MECOM: variants seen among roughly 807,000 people sequenced by gnomAD.
MECOM encodes the protein histone-lysine N-methyltransferase MECOM.
In MECOM, 13 loss-of-function variants were observed where a neutral mutation model predicts 116.3. That is an observed-to-expected ratio of 0.11 (90% confidence interval 0.07 to 0.18). The LOEUF (loss-of-function observed/expected upper bound fraction) is 0.18, where lower values mean the gene tolerates loss of function less well. Ranked by LOEUF, MECOM falls within the 10% of genes least tolerant of loss-of-function variation. MECOM has a pLI of 1.00. For synonymous variants in MECOM, 528 were observed against 535.2 expected, an observed-to-expected ratio of 0.99 and a Z score of 0.19; for missense variants, 1,299 against 1,509.0, an observed-to-expected ratio of 0.86 and a Z score of 2.31.
intron 2 of MECOM, among the ~76,000 whole-genome samples, chr3:169,294,247 A>G (rs1227680107): frequency 4.6e-5 from 7 of 152,210 alleles, no homozygotes; most frequent in African/African-American, 1.4e-4. Context: ...TGCCTTATCT[A>G]CATGTCTGTT....
chr3:169,564,260 A>T (rs942105277), intron 1 of MECOM, among the ~76,000 whole-genome samples: 1 of 152,222 alleles, frequency 6.6e-6, no homozygotes, highest in African/African-American at 2.4e-5. Context: ...TGTCACATAT[A>T]TGAACCAGCC....
chr3:169,577,880 C>T (rs1448910500), intron 1 of MECOM, among the ~76,000 whole-genome samples: 1 of 152,078 alleles, frequency 6.6e-6, no homozygotes, highest in African/African-American at 2.4e-5. Context: ...GTTCTCTAAC[C>T]AAGTGATAGC....
At chr3:169,128,114 A>T in intron 4 of MECOM, 54 bp from the exon 5 acceptor site, 2 of 1,530,880 alleles carry the variant, frequency 1.3e-6, no homozygotes, top group Non-Finnish European at 1.8e-6. Context: ...GCCATCACAA[A>T]CCAGCCAATC....
At chr3:169,495,410 C>T (rs56264350) in intron 1 of MECOM, among the ~76,000 whole-genome samples, 2,711 of 152,220 alleles carry the variant, frequency 0.018, 69 homozygotes, top group African/African-American at 0.062. Flanking sequence ...TTTCTAAACA[C>T]ACCATATTAT....
At chr3:169,388,716 A>T (rs1456017441) in intron 1 of MECOM, among the ~76,000 whole-genome samples, 3 of 152,188 alleles carry the variant, frequency 2.0e-5, no homozygotes, top group Non-Finnish European at 2.9e-5. Flanking sequence ...GTGTTTGGAC[A>T]CTGGACTGAA....
chr3:169,456,081 T>A (rs973867565), intron 1 of MECOM, among the ~76,000 whole-genome samples: 1 of 152,208 alleles, frequency 6.6e-6, no homozygotes, highest in African/African-American at 2.4e-5. Context: ...AAAATCAGAT[T>A]TCCACCTTCT....
intron 1 of MECOM, among the ~76,000 whole-genome samples, chr3:169,390,068 A>C (rs1387646987): frequency 6.6e-6 from 1 of 152,156 alleles, no homozygotes; most frequent in Non-Finnish European, 1.5e-5. Flanking sequence ...TGCTTGCGTC[A>C]ATATGTTGCT....
At chr3:169,144,028 A>C (rs1738945645) in intron 2 of MECOM, among the ~76,000 whole-genome samples, 196 bp from the exon 3 acceptor site, 1 of 152,232 alleles carries the variant, frequency 6.6e-6, no homozygotes, top group African/African-American at 2.4e-5. Context: ...TTAAAAAGGA[A>C]TAAAGCACTT....
intron 1 of MECOM, among the ~76,000 whole-genome samples, chr3:169,495,355 A>G (rs1753684125): frequency 6.6e-6 from 1 of 152,168 alleles, no homozygotes; most frequent in African/African-American, 2.4e-5. Flanking sequence ...AGAAAGTTTC[A>G]CCACAAATAT....
chr3:169,548,218 A>G (rs1053902972), intron 1 of MECOM, among the ~76,000 whole-genome samples: 2 of 152,210 alleles, frequency 1.3e-5, no homozygotes, highest in African/African-American at 4.8e-5. Flanking sequence ...AACTTTAAAA[A>G]TACTGTGAAA....
chr3:169,285,181 T>C (rs909983661), intron 2 of MECOM, among the ~76,000 whole-genome samples: 7 of 152,184 alleles, frequency 4.6e-5, no homozygotes, highest in Non-Finnish European at 7.4e-5. Flanking sequence ...TGGGCCATTA[T>C]GAAAAGTGTT....
chr3:169,586,153 A>G (rs115811327), intron 1 of MECOM, among the ~76,000 whole-genome samples: 3,980 of 152,324 alleles, frequency 0.026, 82 homozygotes, highest in Admixed American at 0.054. Flanking sequence ...TTAAATCTAC[A>G]TTTTCCTATC....
At chr3:169,147,398 G>A (rs1340057982) in intron 2 of MECOM, 1 of 985,362 alleles carries the variant, frequency 1.0e-6, no homozygotes, top group African/African-American at 1.7e-5. Flanking sequence ...CTTTAAAGAG[G>A]ATCTGCTCGG....
intron 6 of MECOM, 95 bp from the exon 7 acceptor site, chr3:169,121,304 GTT>G (rs1233781562): frequency 7.5e-7 from 1 of 1,324,804 alleles, no homozygotes; most frequent in African/African-American, 1.5e-5. Flanking sequence ...TTTCTTATTT[GTT>G]TTGTTTTTCT....
chr3:169,169,686 T>C (rs1053042364), intron 2 of MECOM, among the ~76,000 whole-genome samples: 1 of 152,170 alleles, frequency 6.6e-6, no homozygotes, highest in East Asian at 1.9e-4. Flanking sequence ...GTGCACCAGA[T>C]AGTGAGAGCA....
At chr3:169,587,954 A>C (rs1025910780) in intron 1 of MECOM, among the ~76,000 whole-genome samples, 8 of 152,230 alleles carry the variant, frequency 5.3e-5, no homozygotes, top group African/African-American at 1.9e-4. Flanking sequence ...TTAGCCAGAA[A>C]TATGCATAAA....
At chr3:169,086,159 G>A (rs1349219701) in intron 16 of MECOM, among the ~76,000 whole-genome samples, 1 of 152,126 alleles carries the variant, frequency 6.6e-6, no homozygotes, top group African/African-American at 2.4e-5. Flanking sequence ...CGCTCTAAAT[G>A]TACACATTTG....
intron 1 of MECOM, among the ~76,000 whole-genome samples, chr3:169,581,032 G>A (rs1765066184): frequency 6.6e-6 from 1 of 152,104 alleles, no homozygotes; most frequent in African/African-American, 2.4e-5. Flanking sequence ...ACCAGAATGT[G>A]GCTTGAAGAA....
intron 2 of MECOM, among the ~76,000 whole-genome samples, chr3:169,347,514 T>TAGA (rs1192043353): frequency 2.6e-5 from 4 of 152,002 alleles, no homozygotes; most frequent in Admixed American, 2.0e-4. Context: ...AAAAGACTTC[T>TAGA]GCACTGCTTG....
Sources: allele counts gnomAD v4.1 joint callset (sites outside exome capture counted in the v4.1 genomes callset), GRCh38; gene constraint gnomAD v4.1.1; transcripts MANE v1.5; gene names NCBI Gene and HGNC (gene_info 2026-07-23, HGNC 2026-07-21).